Variants in RAB38 observed in about 807,000 individuals in gnomAD.
RAB38 encodes RAB38, member RAS oncogene family, also known as ras-related protein Rab-38.
In RAB38, 15 loss-of-function variants were observed where a neutral mutation model predicts 18.4. The ratio of observed to expected loss-of-function variants is 0.82; its 90% confidence interval spans 0.55 to 1.26. RAB38 has a LOEUF of 1.26. RAB38 is among the 50% of genes most tolerant of loss of function. The pLI is 0.00. For missense variants in RAB38, 294 were observed against 267.4 expected, an observed-to-expected ratio of 1.10 and a Z score of -0.69; for synonymous variants, 101 against 104.4, an observed-to-expected ratio of 0.97 and a Z score of 0.20.
chr11:88,088,618 G>A, the RAB38 span, among the ~76,000 whole-genome samples: 100 of 151,954 alleles, frequency 6.6e-4, no homozygotes, highest in Non-Finnish European at 1.3e-3. Flanking sequence ...TCAAGGGGGA[G>A]CATGGTGAGG....
At chr11:87,821,793 GTGAGCCGAGATC>G in the RAB38 span, among the ~76,000 whole-genome samples, 7 of 150,960 alleles carry the variant, frequency 4.6e-5, no homozygotes, top group Admixed American at 1.3e-4. Context: ...AGAGATTGCA[GTGAGCCGAGATC>G]CCGCCACTTC....
chr11:87,811,162 C>G, the RAB38 span, among the ~76,000 whole-genome samples: 49 of 152,164 alleles, frequency 3.2e-4, no homozygotes, highest in Non-Finnish European at 5.9e-4. Flanking sequence ...CGCAGCGTGT[C>G]TACGAAATTG....
the RAB38 span, among the ~76,000 whole-genome samples, chr11:87,853,256 T>A: frequency 6.6e-6 from 1 of 152,172 alleles, no homozygotes; most frequent in Admixed American, 6.6e-5. Context: ...CAGCCCTAAC[T>A]CCTAATATTA....
the RAB38 span, among the ~76,000 whole-genome samples, chr11:88,046,996 G>A: frequency 6.6e-6 from 1 of 152,064 alleles, no homozygotes; most frequent in Admixed American, 6.6e-5. Context: ...TTTTATCCTA[G>A]GCAAAACTTG....
chr11:88,142,877 T>C (rs1171435436), intron 2 of RAB38, among the ~76,000 whole-genome samples: 1 of 152,228 alleles, frequency 6.6e-6, no homozygotes, highest in East Asian at 1.9e-4. Context: ...AACAATTCCA[T>C]GTGAATTGCT....
chr11:87,957,534 A>C, the RAB38 span, among the ~76,000 whole-genome samples: 3 of 152,280 alleles, frequency 2.0e-5, no homozygotes, highest in East Asian at 5.8e-4. Flanking sequence ...AGAAAGTAGA[A>C]TCTAATAGTA....
the RAB38 span, among the ~76,000 whole-genome samples, chr11:88,085,859 T>C: frequency 6.6e-6 from 1 of 151,854 alleles, no homozygotes; most frequent in South Asian, 2.1e-4. Flanking sequence ...TACTGCCCCA[T>C]GCTTTACAGA....
chr11:88,153,130 G>C lies in RAB38; in HGVS notation c.203-3175C>G, dbSNP rs920627984. On this transcript the variant is annotated intron_variant, in intron 1 of 2. Transcript: ENST00000243662. ...ACCAACTTGAAAAGTCAGAAGGCAT[G>C]GTCTTAATTTTACTTACTGGTTACC... is the stretch of plus-strand genomic sequence containing the variant. 3.3e-5 allele frequency among the ~76,000 whole-genome samples: 5 copies of C among 152,172 alleles called. No individual in the cohort carries two copies. The East Asian group carries it at 9.6e-4, about 29-fold the overall frequency.
At chr11:87,861,193 C>G in the RAB38 span, among the ~76,000 whole-genome samples, 1 of 151,818 alleles carries the variant, frequency 6.6e-6, no homozygotes, top group African/African-American at 2.4e-5. Context: ...TATTCATGCC[C>G]TAATTGAAGA....
At chr11:87,974,053 A>T in the RAB38 span, among the ~76,000 whole-genome samples, 1 of 151,966 alleles carries the variant, frequency 6.6e-6, no homozygotes, top group African/African-American at 2.4e-5. Flanking sequence ...TACCCCTACC[A>T]TGTATCATCA....
the RAB38 span, among the ~76,000 whole-genome samples, chr11:87,933,052 T>A: frequency 0.011 from 1,711 of 152,172 alleles, 18 homozygotes; most frequent in African/African-American, 0.04. Flanking sequence ...CCACCCACAA[T>A]ATCACGTATG....
intron 2 of RAB38, among the ~76,000 whole-genome samples, chr11:88,137,856 C>A (rs187974254): frequency 5.0e-4 from 76 of 152,270 alleles, no homozygotes; most frequent in African/African-American, 1.8e-3. Flanking sequence ...TATGAGACTT[C>A]TGAAGAGTAA....
At chr11:88,095,611 T>C in the RAB38 span, among the ~76,000 whole-genome samples, 1 of 151,958 alleles carries the variant, frequency 6.6e-6, no homozygotes, top group Non-Finnish European at 1.5e-5. Context: ...ACTTTCTGCA[T>C]TATCCATAAC....
the RAB38 span, among the ~76,000 whole-genome samples, chr11:87,938,837 C>T: frequency 4.6e-5 from 7 of 151,726 alleles, no homozygotes; most frequent in Non-Finnish European, 8.8e-5. Context: ...GGTCCCTAGC[C>T]GGTCTGCCTT....
At chr11:88,112,792 A>ACAAC (rs1484714150), downstream of RAB38, among the ~76,000 whole-genome samples, 2 of 112,910 alleles carry the variant, frequency 1.8e-5, no homozygotes, top group African/African-American at 9.1e-5. Flanking sequence ...AACAACAACA[A>ACAAC]AATATATATA....
chr11:87,924,433 AT>A, the RAB38 span, among the ~76,000 whole-genome samples: 1 of 152,026 alleles, frequency 6.6e-6, no homozygotes, highest in Non-Finnish European at 1.5e-5. Context: ...GAAGTGTGAG[AT>A]GGTTTGCAAA....
the RAB38 span, among the ~76,000 whole-genome samples, chr11:87,866,290 C>A: frequency 6.6e-6 from 1 of 151,600 alleles, no homozygotes; most frequent in African/African-American, 2.4e-5. Context: ...ATTTCTGGGC[C>A]TCTATATGTA....
chr11:88,151,300 G>A (rs1047655687), intron 1 of RAB38, among the ~76,000 whole-genome samples: 2 of 152,160 alleles, frequency 1.3e-5, no homozygotes, highest in African/African-American at 4.8e-5. Flanking sequence ...TAAATAGTGT[G>A]AAAGACAATA....
the RAB38 span, among the ~76,000 whole-genome samples, chr11:87,914,377 G>A: frequency 5.9e-5 from 9 of 152,064 alleles, no homozygotes; most frequent in African/African-American, 7.2e-5. Flanking sequence ...TTGTGTTCAC[G>A]CTGTAGGGCC....
Sources: gnomAD v4.1 joint callset for allele counts (sites outside exome capture counted in the v4.1 genomes callset) on GRCh38, gnomAD v4.1.1 for gene constraint, MANE v1.5 for transcripts, NCBI Gene and HGNC (gene_info 2026-07-23, HGNC 2026-07-21) for gene names.